Variants in WIPI1 observed in about 807,000 individuals in gnomAD.
WIPI1 encodes WD repeat domain, phosphoinositide interacting 1.
Under a neutral mutation model 55.3 loss-of-function variants are expected in WIPI1, and 45 were observed. The ratio of observed to expected loss-of-function variants is 0.81; its 90% confidence interval spans 0.64 to 1.04. WIPI1 has a LOEUF of 1.04. Ranked by LOEUF, WIPI1 falls within the 50% of genes least tolerant of loss-of-function variation. WIPI1 has a pLI of 0.00. For missense variants in WIPI1, 445 were observed against 559.0 expected, an observed-to-expected ratio of 0.80 and a Z score of 2.06; for synonymous variants, 195 against 217.6, an observed-to-expected ratio of 0.90 and a Z score of 0.92.
chr17:68,431,881 C>T (rs2147838472), intron 8 of WIPI1, among the ~76,000 whole-genome samples: 1 of 151,956 alleles, frequency 6.6e-6, no homozygotes, highest in Middle Eastern at 3.4e-3. Context: ...TAATAATCCC[C>T]AGTGGAGGCG....
chr17:68,450,991 C>A, intron 2 of WIPI1, 94 bp from the exon 3 acceptor site: 1 of 1,485,050 alleles, frequency 6.7e-7, no homozygotes, highest in South Asian at 1.4e-5. Context: ...AGGCCAGGTT[C>A]CAAAGGTTCT....
rs933272862 is a variant in WIPI1 at position 68,423,486 on chromosome 17, G to A, written c.1294-1666C>T. 4.6e-5 allele frequency among the ~76,000 whole-genome samples: 7 copies of A among 152,172 alleles called. No individual in the cohort carries two copies. The highest frequency in any genetic ancestry group is 1.0e-4 in the Non-Finnish European group (7 of 68,034). ...GCCACGACACAGCCCTGCACACAGG[G>A]GCTGCTTGACACTCACAAGGGTCTA... On this transcript the variant is annotated intron_variant, in intron 12 of 12. Coordinates refer to ENST00000262139, the MANE Select transcript of WIPI1 (RefSeq NM_017983.7). The surrounding 1 kb of genome is among the most constrained non-coding windows in gnomAD (Gnocchi z 4.4).
chr17:68,453,804 G>A (rs560906260), intron 1 of WIPI1, among the ~76,000 whole-genome samples: 3 of 152,216 alleles, frequency 2.0e-5, no homozygotes, highest in African/African-American at 4.8e-5. Flanking sequence ...GGCATAGTAG[G>A]TCATTAGTAG....
chr17:68,456,776 A>G (rs2084654794), intron 1 of WIPI1, among the ~76,000 whole-genome samples: 1 of 152,226 alleles, frequency 6.6e-6, no homozygotes, highest in African/African-American at 2.4e-5. Flanking sequence ...CAGAGCGGGC[A>G]GGCACGATGC....
chr17:68,422,226 G>A lies in WIPI1; in HGVS notation c.1294-406C>T, dbSNP rs556594677. ...GTGGATCACTAGGTCAGGAGTTTGA[G>A]ACCAGCCTGGCCAACATGGTGAAAC... On this transcript the variant is annotated intron_variant, in intron 12 of 12. Coordinates refer to ENST00000262139, the MANE Select transcript of WIPI1 (RefSeq NM_017983.7). 23 of 175,068 alleles carry A rather than the reference G, an allele frequency of 1.3e-4. No homozygotes were observed. The South Asian group carries it at 2.8e-3, about 21-fold the overall frequency. 10.8% of individuals were successfully genotyped at this position (175,068 alleles called of 1,614,324 possible). A position where few individuals can be genotyped will look rare whatever the true frequency, so the allele number is the denominator to read the frequency against.
chr17:68,452,666 G>T (rs117691760), intron 2 of WIPI1, among the ~76,000 whole-genome samples: 2,448 of 152,312 alleles, frequency 0.016, 28 homozygotes, highest in Middle Eastern at 0.034. Flanking sequence ...TCAATAATAT[G>T]ATTTCACACA....
rs1478856260 is a variant in WIPI1 at position 68,444,478 on chromosome 17, A to G, written c.430+15T>C. The G allele has an allele frequency of 1.9e-6, 3 of 1,608,158 alleles. No homozygotes were observed. Reference sequence around the variant, plus strand: ...ATGAAATTTCAGGGACATTTGTTCCATTTTTGGAGCTCACCTGTTGGGTTT... The same window carrying G: ...ATGAAATTTCAGGGACATTTGTTCCGTTTTTGGAGCTCACCTGTTGGGTTT... On this transcript the variant is annotated intron_variant, in intron 4 of 12. Transcript: ENST00000262139.
At chr17:68,424,491 T>C (rs1312085745) in intron 12 of WIPI1, 1 of 534,540 alleles carries the variant, frequency 1.9e-6, no homozygotes, top group Non-Finnish European at 3.8e-6. Flanking sequence ...TCAGGAGAAG[T>C]TTCCATAACA....
At chr17:68,453,043 G>C (rs2084553431) in intron 1 of WIPI1, 51 bp from the exon 2 acceptor site, 2 of 1,491,596 alleles carry the variant, frequency 1.3e-6, no homozygotes, top group South Asian at 2.3e-5. Flanking sequence ...TCTAACAACA[G>C]ATCTGTCTGC....
chr17:68,437,739 G>A (rs142760916), intron 4 of WIPI1, among the ~76,000 whole-genome samples: 5 of 151,996 alleles, frequency 3.3e-5, no homozygotes, highest in South Asian at 2.1e-4. Flanking sequence ...ATAATATTCC[G>A]GAAGAGTAAA....
At chr17:68,438,741 C>T (rs1600332120) in intron 4 of WIPI1, among the ~76,000 whole-genome samples, 1 of 152,206 alleles carries the variant, frequency 6.6e-6, no homozygotes, top group Admixed American at 6.5e-5. Flanking sequence ...GCTGGGATTA[C>T]AGGCGTGTGC....
intron 3 of WIPI1, among the ~76,000 whole-genome samples, 163 bp from the exon 4 acceptor site, chr17:68,444,752 C>T (rs1600358217): frequency 6.6e-6 from 1 of 152,168 alleles, no homozygotes; most frequent in East Asian, 1.9e-4. Flanking sequence ...TACACACATA[C>T]ACATGTAATC....
rs148477493 is a variant in WIPI1, at chr17:68,438,238, G to A, written c.431-1759C>T. Among the ~76,000 whole-genome samples, 27 of 127,088 alleles carry A rather than the reference G, an allele frequency of 2.1e-4. 1 individual carries two copies. Among genetic ancestry groups the A allele is most frequent in the East Asian group, 5.9e-4 (3 of 5,056 alleles). The allele number at this position is 127,088 out of a possible 152,430, so 83.4% of individuals were successfully genotyped here. A position where few individuals can be genotyped will look rare whatever the true frequency, so the allele number is the denominator to read the frequency against. On this transcript the variant is annotated intron_variant, in intron 4 of 12. Transcript: ENST00000262139. Reference sequence around the variant, plus strand: ...TGAGCCCCGGAACCTTTAACTGCACGTTCTGGCAGCCCTGCCACCCCTTTG... The same window carrying A: ...TGAGCCCCGGAACCTTTAACTGCACATTCTGGCAGCCCTGCCACCCCTTTG...
chr17:68,437,024 G>A (rs62085923), intron 4 of WIPI1, among the ~76,000 whole-genome samples: 5 of 142,798 alleles, frequency 3.5e-5, no homozygotes, highest in African/African-American at 1.3e-4. Context: ...ATATGTGTGT[G>A]TGTGTGTGTG....
chr17:68,447,756 G>A (rs2084338760), intron 3 of WIPI1, among the ~76,000 whole-genome samples: 1 of 152,092 alleles, frequency 6.6e-6, no homozygotes, highest in Admixed American at 6.5e-5. Context: ...ACTTTGGGAG[G>A]CCGAGGTGGG....
In WIPI1 at chr17:68,430,178, G is replaced by A. The variant is rs1270251332; in HGVS notation, c.801-18C>T. The A allele has an allele frequency of 1.2e-6, 2 of 1,603,110 alleles. No individual in the cohort carries two copies. Among genetic ancestry groups the A allele is most frequent in the South Asian group, 2.2e-5 (2 of 89,974 alleles). On this transcript the variant is annotated intron_variant, in intron 8 of 12. Coordinates refer to ENST00000262139, the MANE Select transcript of WIPI1 (RefSeq NM_017983.7). ...CTGGTCGACTAGGGAGTAATGCACA[G>A]GCAACGATGGGACTGGGCTGCAGGC... is the stretch of plus-strand genomic sequence containing the variant.
chr17:68,430,962 G>GTAGCTACTAGCTACCAGAGA (rs2083483162), intron 8 of WIPI1, among the ~76,000 whole-genome samples: 1 of 152,138 alleles, frequency 6.6e-6, no homozygotes, highest in Non-Finnish European at 1.5e-5. Flanking sequence ...ATGGGCTAGG[G>GTAGCTACTAGCTACCAGAGA]GGTCTTTGGA....
intron 12 of WIPI1, among the ~76,000 whole-genome samples, chr17:68,425,494 T>A (rs1334322976): frequency 6.6e-6 from 1 of 151,672 alleles, no homozygotes; most frequent in Non-Finnish European, 1.5e-5. Context: ...GTGCTGGGAT[T>A]ACAGGTGTGA....
In WIPI1 at chr17:68,428,813, A is replaced by C. The variant is rs758147301; in HGVS notation, c.1073+16T>G. 1 of 1,598,486 alleles carries C rather than the reference A, an allele frequency of 6.3e-7. No individual in the cohort carries two copies. The highest frequency in any genetic ancestry group is 8.6e-7 in the Non-Finnish European group (1 of 1,166,236). On this transcript the variant is annotated intron_variant, in intron 10 of 12. Coordinates refer to ENST00000262139, the MANE Select transcript of WIPI1 (RefSeq NM_017983.7). ...CAGCTCTCGAAAGGCTGTCTTTTGA[A>C]AAGCAGTCTCTTCACCTGTGGGTTT...
Sources: gnomAD v4.1 joint callset for allele counts (sites outside exome capture counted in the v4.1 genomes callset) on GRCh38, gnomAD v4.1.1 for gene constraint, Gnocchi (gnomAD v3.1) non-coding constraint, MANE v1.5 for transcripts, NCBI Gene and HGNC (gene_info 2026-07-23, HGNC 2026-07-21) for gene names.